The following CRISP1 variants were observed in gnomAD, a reference collection of about 807,000 sequenced individuals.
CRISP1 encodes cysteine rich secretory protein 1, also known as cysteine-rich secretory protein 1.
Under a neutral mutation model 33.1 loss-of-function variants are expected in CRISP1, and 44 were observed. That is an observed-to-expected ratio of 1.33 (90% CI 1.05 to 1.71). The LOEUF (loss-of-function observed/expected upper bound fraction) is 1.71, where lower values mean the gene tolerates loss of function less well. Among genes scored for constraint, CRISP1 ranks in the 40% most tolerant of loss-of-function variants. CRISP1 has a pLI of 0.00. For synonymous variants in CRISP1, 103 were observed against 98.7 expected, an observed-to-expected ratio of 1.04 and a Z score of -0.26; for missense variants, 390 against 301.2, an observed-to-expected ratio of 1.29 and a Z score of -2.18.
chr6:49,851,975 T>A, intron 3 of CRISP1, 26 bp downstream of exon 3: 1 of 1,597,116 alleles, frequency 6.3e-7, no homozygotes, highest in Non-Finnish European at 8.5e-7. Flanking sequence ...ATTGCAATCA[T>A]GGTTGTTGCT....
At chr6:49,861,766 T>C (rs1361324060) in intron 1 of CRISP1, among the ~76,000 whole-genome samples, 1 of 152,100 alleles carries the variant, frequency 6.6e-6, no homozygotes, top group Non-Finnish European at 1.5e-5. Context: ...GCACCTATAG[T>C]CCTAGCTACT....
rs374414282 is a variant in CRISP1, at chr6:49,843,145, C to A, written c.436-2150G>T. ...TATATAGGAAATAGAAGGTTTGAATCCAGGCCACAAATTTCTTAGATTTTT... is the reference window on the plus strand; with the variant it reads ...TATATAGGAAATAGAAGGTTTGAATACAGGCCACAAATTTCTTAGATTTTT... On this transcript the variant is annotated intron_variant, in intron 5 of 7. Coordinates refer to ENST00000335847, the MANE Select transcript of CRISP1 (RefSeq NM_001131.3). Among the ~76,000 whole-genome samples, 22 of 152,168 alleles carry A rather than the reference C, an allele frequency of 1.4e-4. No homozygotes were observed. In the East Asian group the frequency reaches 2.3e-3, roughly 16 times the overall value.
intron 2 of CRISP1, among the ~76,000 whole-genome samples, chr6:49,853,622 G>C (rs1054968465): frequency 2.0e-5 from 3 of 152,116 alleles, no homozygotes; most frequent in African/African-American, 7.2e-5. Flanking sequence ...GGAATTTCCT[G>C]TTCTTCCAAG....
chr6:49,848,279 T>G lies in CRISP1; in HGVS notation c.216A>C (p.Ala72=). Residue 72 remains alanine, a synonymous_variant, in exon 4 of 8, where the codon GCA becomes GCC. Coordinates refer to ENST00000335847, the MANE Select transcript of CRISP1 (RefSeq NM_001131.3). ...MLKMSWSEEA[A]QNARIFSKYC... is the part of the protein sequence containing the mutation. The stretch of plus-strand genomic sequence containing the variant: ...ACTTTGAAAAAATTCTGGCATTTTG[T>G]GCAGCCTCTTCACTCCAACTCTGTA... 3 of 1,606,970 alleles carry G rather than the reference T, an allele frequency of 1.9e-6. No individual in the cohort carries two copies. Among genetic ancestry groups the G allele is most frequent in the Non-Finnish European group, 2.5e-6 (3 of 1,176,894 alleles).
chr6:49,839,432 C>G (rs375254036), intron 6 of CRISP1, among the ~76,000 whole-genome samples: 28 of 152,002 alleles, frequency 1.8e-4, no homozygotes, highest in African/African-American at 6.8e-4. Flanking sequence ...GCCTGGGTGA[C>G]AGAACAAGGC....
chr6:49,847,793 G>C (rs532659374), intron 4 of CRISP1, among the ~76,000 whole-genome samples: 1 of 152,080 alleles, frequency 6.6e-6, no homozygotes, highest in Non-Finnish European at 1.5e-5. Flanking sequence ...CTTATGGGCA[G>C]CTGAGCAGGG....
intron 6 of CRISP1, among the ~76,000 whole-genome samples, chr6:49,840,638 T>C (rs1238104405): frequency 6.6e-6 from 1 of 152,156 alleles, no homozygotes; most frequent in Non-Finnish European, 1.5e-5. Flanking sequence ...TGGAGTTTTT[T>C]TTAAATAAGA....
At chr6:49,836,782 A>G (rs1339879319) in intron 7 of CRISP1, among the ~76,000 whole-genome samples, 2 of 152,210 alleles carry the variant, frequency 1.3e-5, no homozygotes, top group African/African-American at 4.8e-5. Flanking sequence ...AGATTTATCA[A>G]GGTGCAACAA....
intron 1 of CRISP1, among the ~76,000 whole-genome samples, chr6:49,859,752 A>G (rs1236766014): frequency 6.6e-6 from 1 of 152,196 alleles, no homozygotes; most frequent in Non-Finnish European, 1.5e-5. Context: ...ATCAACTAAC[A>G]AAATGACATA....
At chr6:49,867,087 AC>A (rs1771816977), upstream of CRISP1, among the ~76,000 whole-genome samples, 1 of 152,176 alleles carries the variant, frequency 6.6e-6, no homozygotes, top group East Asian at 1.9e-4. Flanking sequence ...TTGTCCAGAA[AC>A]AATGTGGAAG....
At chr6:49,855,949 C>G (rs1001807059) in intron 2 of CRISP1, among the ~76,000 whole-genome samples, 3 of 152,066 alleles carry the variant, frequency 2.0e-5, no homozygotes, top group Non-Finnish European at 4.4e-5. Context: ...AATTTATCTT[C>G]TTGTTTAAAT....
At chr6:49,862,147 A>G (rs988434910) in intron 1 of CRISP1, among the ~76,000 whole-genome samples, 5 of 152,182 alleles carry the variant, frequency 3.3e-5, no homozygotes, top group African/African-American at 1.2e-4. Flanking sequence ...TCTTATGTCT[A>G]GAAAACCTAA....
intron 7 of CRISP1, among the ~76,000 whole-genome samples, chr6:49,838,183 C>T (rs1418274411): frequency 3.3e-5 from 5 of 152,112 alleles, no homozygotes; most frequent in African/African-American, 1.2e-4. Flanking sequence ...TAGGTTGACC[C>T]TAATTAAATA....
upstream of CRISP1, among the ~76,000 whole-genome samples, chr6:49,867,032 G>T (rs528138528): frequency 6.6e-6 from 1 of 152,102 alleles, no homozygotes; most frequent in East Asian, 1.9e-4. Context: ...GACCTTCCTG[G>T]TTAAAAGGAA....
At chr6:49,870,960 A>G (rs143485185), upstream of CRISP1, among the ~76,000 whole-genome samples, 221 of 151,962 alleles carry the variant, frequency 1.5e-3, no homozygotes, top group African/African-American at 5.1e-3. Context: ...AATTAGCTGG[A>G]TGTGGTTGTG....
At chr6:49,856,859 T>G (rs553372415) in intron 2 of CRISP1, among the ~76,000 whole-genome samples, 1 of 152,302 alleles carries the variant, frequency 6.6e-6, no homozygotes, top group South Asian at 2.1e-4. Flanking sequence ...TTGTTTTTAA[T>G]TATTAGTGAG....
Position 49,838,443 on chromosome 6 carries a change from G to T in CRISP1, c.616C>A (p.Leu206Ile), listed in dbSNP as rs180882423. Reference protein sequence around the residue: ...EACPSNCEDKLCTNPCIYYDE... With the variant: ...EACPSNCEDKICTNPCIYYDE... ...AGAATGCAAACAAACTTACTGCAAA[G>T]TTTGTCTTCACAGTTACTTGGGCAG... Residue 206 changes from leucine (L) to isoleucine (I), a missense_variant, in exon 7 of 8, where the codon CTT becomes ATT. By Grantham distance (5) the Leu-to-Ile change is conservative (BLOSUM62 2). Coordinates refer to ENST00000335847, the MANE Select transcript of CRISP1 (RefSeq NM_001131.3). 1.5e-4 allele frequency: 242 copies of T among 1,611,090 alleles called. 1 individual carries two copies. In the East Asian group the frequency reaches 5.2e-3, roughly 35 times the overall value.
At chr6:49,859,203 C>T (rs1771577403) in intron 1 of CRISP1, among the ~76,000 whole-genome samples, 1 of 151,962 alleles carries the variant, frequency 6.6e-6, no homozygotes, top group Non-Finnish European at 1.5e-5. Flanking sequence ...CCACGGGTTT[C>T]ACACACCCTT....
intron 5 of CRISP1, among the ~76,000 whole-genome samples, chr6:49,841,334 T>A (rs1582258276): frequency 6.6e-6 from 1 of 152,304 alleles, no homozygotes; most frequent in East Asian, 1.9e-4. Flanking sequence ...CAAAACCCAA[T>A]GTTCATTTTC....
Sources: allele counts gnomAD v4.1 joint callset (sites outside exome capture counted in the v4.1 genomes callset), GRCh38; gene constraint gnomAD v4.1.1; transcripts MANE v1.5; gene names NCBI Gene and HGNC (gene_info 2026-07-23, HGNC 2026-07-21).